Variants in MECOM observed in about 807,000 individuals in gnomAD.
MECOM encodes the protein histone-lysine N-methyltransferase MECOM.
MECOM carries 13 observed loss-of-function variants against 116.3 expected under a neutral mutation model. The observed-to-expected ratio is 0.11, with a 90% confidence interval of 0.07 to 0.18. The LOEUF (loss-of-function observed/expected upper bound fraction) is 0.18. Ranked by LOEUF, MECOM falls within the 10% of genes least tolerant of loss-of-function variation. MECOM has a pLI of 1.00. For missense variants in MECOM, 1,299 were observed against 1,509.0 expected, an observed-to-expected ratio of 0.86 and a Z score of 2.31; for synonymous variants, 528 against 535.2, an observed-to-expected ratio of 0.99 and a Z score of 0.19.
At chr3:169,367,706 G>T (rs1027926284) in intron 2 of MECOM, among the ~76,000 whole-genome samples, 1 of 152,076 alleles carries the variant, frequency 6.6e-6, no homozygotes, top group East Asian at 1.9e-4. Context: ...AATAAAAGTC[G>T]GGTCTGAAAG....
intron 9 of MECOM, among the ~76,000 whole-genome samples, chr3:169,111,486 G>A (rs1197853158): frequency 2.6e-5 from 4 of 152,180 alleles, no homozygotes; most frequent in Non-Finnish European, 5.9e-5. Context: ...ATTAGCCTAT[G>A]AAACTTTACA....
intron 2 of MECOM, among the ~76,000 whole-genome samples, chr3:169,355,594 T>C (rs1377201595): frequency 6.6e-6 from 1 of 151,960 alleles, no homozygotes. Context: ...ACTGATGTCT[T>C]CTTTGGTTTA....
chr3:169,262,697 A>G (rs1757709209), intron 2 of MECOM, among the ~76,000 whole-genome samples: 1 of 152,144 alleles, frequency 6.6e-6, no homozygotes, highest in Admixed American at 6.6e-5. Context: ...TTTCTGGAGA[A>G]AGCCCCCCAC....
At chr3:169,388,386 A>G (rs1183519747) in intron 1 of MECOM, among the ~76,000 whole-genome samples, 2 of 152,176 alleles carry the variant, frequency 1.3e-5, no homozygotes, top group Non-Finnish European at 2.9e-5. Flanking sequence ...CTTGGGGAAA[A>G]GGGTGGAGCT....
intron 1 of MECOM, among the ~76,000 whole-genome samples, chr3:169,484,358 T>C (rs1002493478): frequency 8.6e-5 from 13 of 151,892 alleles, no homozygotes; most frequent in African/African-American, 3.1e-4. Context: ...ACATAAAAAA[T>C]ATGGAAGGTA....
intron 1 of MECOM, among the ~76,000 whole-genome samples, chr3:169,528,030 G>A (rs376945677): frequency 5.9e-5 from 9 of 152,140 alleles, no homozygotes; most frequent in Admixed American, 1.3e-4. Flanking sequence ...GGGGGTGAAC[G>A]TGCCATGATT....
chr3:169,219,289 G>A (rs1026801441), intron 2 of MECOM, among the ~76,000 whole-genome samples: 6 of 152,034 alleles, frequency 3.9e-5, no homozygotes, highest in South Asian at 2.1e-4. Context: ...GGTGGATCAC[G>A]AGGTCAGGAG....
intron 2 of MECOM, among the ~76,000 whole-genome samples, chr3:169,310,089 T>G (rs552443778): frequency 6.6e-6 from 1 of 152,208 alleles, no homozygotes; most frequent in Non-Finnish European, 1.5e-5. Flanking sequence ...CTGTAACTAC[T>G]AAAAGTAACC....
intron 1 of MECOM, among the ~76,000 whole-genome samples, chr3:169,470,607 T>C (rs189516638): frequency 1.2e-3 from 189 of 152,246 alleles, no homozygotes; most frequent in African/African-American, 3.9e-3. Context: ...GAAAGTGATA[T>C]GTATTAGACT....
intron 1 of MECOM, among the ~76,000 whole-genome samples, chr3:169,575,800 C>T (rs1764424323): frequency 6.6e-6 from 1 of 151,990 alleles, no homozygotes; most frequent in Non-Finnish European, 1.5e-5. Flanking sequence ...GTATCTGGAG[C>T]CCCTCCTCTT....
chr3:169,632,676 A>G (rs1183498757), intron 1 of MECOM, among the ~76,000 whole-genome samples: 1 of 152,182 alleles, frequency 6.6e-6, no homozygotes, highest in Non-Finnish European at 1.5e-5. Context: ...ACGTGCAAAC[A>G]CCAGAAAAAC....
chr3:169,602,209 T>G (rs938703826), intron 1 of MECOM, among the ~76,000 whole-genome samples: 2 of 152,214 alleles, frequency 1.3e-5, no homozygotes, highest in Non-Finnish European at 2.9e-5. Flanking sequence ...ATATGGCACC[T>G]TTACACAATG....
chr3:169,128,484 A>G (rs1733632256), intron 4 of MECOM, among the ~76,000 whole-genome samples: 1 of 152,208 alleles, frequency 6.6e-6, no homozygotes, highest in African/African-American at 2.4e-5. Context: ...AAATGTAAAC[A>G]GTCAGGGAGT....
At chr3:169,137,462 C>G (rs1341809339) in intron 3 of MECOM, among the ~76,000 whole-genome samples, 2 of 152,082 alleles carry the variant, frequency 1.3e-5, no homozygotes, top group Non-Finnish European at 2.9e-5. Flanking sequence ...GTGTCTTCAG[C>G]AGAGATTGAT....
intron 2 of MECOM, among the ~76,000 whole-genome samples, chr3:169,218,007 T>C (rs1485036362): frequency 6.6e-6 from 1 of 151,864 alleles, no homozygotes; most frequent in African/African-American, 2.4e-5. Flanking sequence ...AATATTTTAA[T>C]AGCTCTATAG....
At chr3:169,568,631 A>T (rs929136343) in intron 1 of MECOM, among the ~76,000 whole-genome samples, 24 of 152,342 alleles carry the variant, frequency 1.6e-4, no homozygotes, top group African/African-American at 4.6e-4. Flanking sequence ...TGCCCACCGC[A>T]GCTCAGCAAA....
At position 169,095,102 on chromosome 3, in the gene MECOM, T is replaced by A. The variant is rs1228963854; in HGVS notation, c.2993A>T (p.Lys998Met). 6.2e-7 allele frequency: 1 copy of A among 1,611,654 alleles called. No homozygotes were observed. The highest frequency in any genetic ancestry group is 1.7e-5 in the Admixed American group (1 of 59,678). The stretch of plus-strand genomic sequence containing the variant: ...GGACATGTTCCCATTCTCATGTTTC[T>A]TTAGGTGTCTGTCTAAATTGGTTTG... ...GQQTNLDRHL[K>M]KHENGNMSGT... Residue 998 changes from lysine to methionine, a missense_variant, in exon 13 of 17, where the codon AAG becomes ATG. Physicochemically the swap from Lys to Met is moderately conservative, Grantham distance 95. Coordinates refer to ENST00000651503, the MANE Select transcript of MECOM (RefSeq NM_004991.4).
At chr3:169,430,177 C>T (rs909535247) in intron 1 of MECOM, among the ~76,000 whole-genome samples, 4 of 152,118 alleles carry the variant, frequency 2.6e-5, no homozygotes, top group Non-Finnish European at 4.4e-5. Context: ...TTCTGGATGG[C>T]CTCTGGCAGA....
At chr3:169,186,321 A>G (rs200643117) in intron 2 of MECOM, among the ~76,000 whole-genome samples, 9 of 140,586 alleles carry the variant, frequency 6.4e-5, no homozygotes, top group Non-Finnish European at 6.2e-5. Context: ...AGGAAGGAAG[A>G]AAGGAAGGAA....
Sources: allele counts gnomAD v4.1 joint callset (sites outside exome capture counted in the v4.1 genomes callset), GRCh38; gene constraint gnomAD v4.1.1; transcripts MANE v1.5; gene names NCBI Gene and HGNC (gene_info 2026-07-23, HGNC 2026-07-21).